The following PIR variants were observed in gnomAD, a reference collection of about 807,000 sequenced individuals.
PIR encodes the protein pirin.
PIR carries 22 observed loss-of-function variants against 24.2 expected under a neutral mutation model. The ratio of observed to expected loss-of-function variants is 0.91; its 90% CI spans 0.65 to 1.30. The LOEUF (loss-of-function observed/expected upper bound fraction) is 1.30. Ranked by LOEUF, PIR falls within the 50% of genes most tolerant of loss-of-function variation. The probability of loss-of-function intolerance (pLI) is 0.00; values close to 1 mark genes in which losing one functional copy is unlikely to be tolerated. For missense variants in PIR, 220 were observed against 220.3 expected (o/e 1.00, Z 0.01); for synonymous variants, 80 against 79.6 (o/e 1.00, Z -0.03).
chrX:15,475,700 T>C (rs1449366835), intron 3 of PIR, among the ~76,000 whole-genome samples: 1 of 112,336 alleles, frequency 8.9e-6, no homozygotes, highest in Non-Finnish European at 1.9e-5. Context: ...TCTTTGTTTC[T>C]GATAACTGAA....
chrX:15,462,469 A>AAAC (rs200478925), intron 3 of PIR, among the ~76,000 whole-genome samples: 3,521 of 112,110 alleles, frequency 0.031, 144 homozygotes, highest in African/African-American at 0.11. Flanking sequence ...GAAGAAAGAA[A>AAAC]AAAAAATGCC....
intron 5 of PIR, among the ~76,000 whole-genome samples, chrX:15,443,303 AT>A (rs199734124): frequency 0.031 from 3,485 of 111,440 alleles, 59 homozygotes; most frequent in Non-Finnish European, 0.049. Flanking sequence ...AGAAAAAAAA[AT>A]ATTCCTTTAA....
intron 8 of PIR, among the ~76,000 whole-genome samples, chrX:15,391,765 C>T (rs143243756): frequency 0.013 from 1,471 of 111,622 alleles, 14 homozygotes; most frequent in Non-Finnish European, 0.022. Context: ...TCCTCATCCT[C>T]CTGCATGCCA....
chrX:15,393,156 C>G (rs1209801444), intron 8 of PIR, among the ~76,000 whole-genome samples: 1 of 112,337 alleles, frequency 8.9e-6, no homozygotes, highest in African/African-American at 3.2e-5. Flanking sequence ...CATCTTTTGG[C>G]ACCATGTCTT....
At chrX:15,433,512 GA>G (rs1255725846) in intron 5 of PIR, among the ~76,000 whole-genome samples, 1 of 20,141 alleles carries the variant, frequency 5.0e-5, no homozygotes, top group African/African-American at 2.1e-4. Flanking sequence ...GGAGGAGGAG[GA>G]AAGAAAGAAA....
chrX:15,440,884 C>G (rs1214736932), intron 5 of PIR, among the ~76,000 whole-genome samples: 8 of 111,415 alleles, frequency 7.2e-5, no homozygotes, highest in Non-Finnish European at 1.5e-4. Context: ...TTTTGTTCTC[C>G]CAACTATGTT....
intron 5 of PIR, among the ~76,000 whole-genome samples, chrX:15,448,196 G>A (rs1038390717): frequency 9.8e-5 from 11 of 112,444 alleles, no homozygotes; most frequent in African/African-American, 1.6e-4. Flanking sequence ...AGCAGATCCT[G>A]ACCACTGTTT....
intron 2 of PIR, among the ~76,000 whole-genome samples, chrX:15,481,408 T>C (rs1327134813): frequency 8.9e-6 from 1 of 111,851 alleles, no homozygotes; most frequent in Admixed American, 9.5e-5. Flanking sequence ...ATTTTGAACA[T>C]TTGATTGGAA....
intron 6 of PIR, among the ~76,000 whole-genome samples, chrX:15,416,846 T>C (rs1488020377): frequency 8.9e-6 from 1 of 112,181 alleles, no homozygotes; most frequent in African/African-American, 3.2e-5. Context: ...AGGAACTGAA[T>C]GCTGCCAGCA....
chrX:15,413,101 G>A (rs7877651), intron 6 of PIR, among the ~76,000 whole-genome samples: 8,450 of 112,060 alleles, frequency 0.075, 772 homozygotes, highest in African/African-American at 0.25. Context: ...ACATATGTGT[G>A]TTATATGTTT....
chrX:15,398,128 A>AG (rs1443388696), intron 7 of PIR, among the ~76,000 whole-genome samples: 1 of 110,973 alleles, frequency 9.0e-6, no homozygotes, highest in Non-Finnish European at 1.9e-5. Context: ...GGATAGCATT[A>AG]GGAGATATAC....
intron 5 of PIR, among the ~76,000 whole-genome samples, chrX:15,442,498 A>C (rs1206020073): frequency 8.9e-6 from 1 of 111,817 alleles, no homozygotes; most frequent in Non-Finnish European, 1.9e-5. Context: ...AAAAGCTAGA[A>C]ATGATTAAGC....
rs1312640658 is a variant in PIR, at chrX:15,384,865, A to G, written c.*139T>C. The G allele has an allele frequency of 2.8e-6, 1 of 356,820 alleles. No homozygotes were observed. Among genetic ancestry groups the G allele is most frequent in the Non-Finnish European group, 4.9e-6 (1 of 203,170 alleles). 29.4% of individuals were successfully genotyped at this position (356,820 alleles called of 1,213,427 possible). A position where few individuals can be genotyped will look rare whatever the true frequency, so the allele number is the denominator to read the frequency against. On this transcript the variant is annotated 3_prime_UTR_variant, in exon 10 of 10. Transcript: ENST00000380420. ...GAAATATCCTACATTTATTGTTACA[A>G]AAACCATGTTATCACGTTAGTGTGG... is the stretch of plus-strand genomic sequence containing the variant.
intron 2 of PIR, among the ~76,000 whole-genome samples, chrX:15,490,037 C>T (rs906854247): frequency 2.7e-5 from 3 of 110,884 alleles, no homozygotes; most frequent in Non-Finnish European, 5.7e-5. Context: ...AATGTATACT[C>T]GAAATTGGCT....
chrX:15,460,744 C>A (rs1470223249), intron 3 of PIR, among the ~76,000 whole-genome samples: 1 of 111,653 alleles, frequency 9.0e-6, no homozygotes, highest in South Asian at 3.8e-4. Flanking sequence ...TAATGGATAC[C>A]TTAGCTTGAT....
chrX:15,456,665 T>C (rs778249101), intron 4 of PIR, among the ~76,000 whole-genome samples: 1 of 112,513 alleles, frequency 8.9e-6, no homozygotes, highest in African/African-American at 3.2e-5. Flanking sequence ...TTGTGAGCCA[T>C]CAGCAGCCAG....
intron 5 of PIR, among the ~76,000 whole-genome samples, chrX:15,454,751 T>C (rs1035741009): frequency 2.7e-5 from 3 of 111,822 alleles, no homozygotes; most frequent in Middle Eastern, 4.2e-3. Context: ...CTTGATGCAC[T>C]CAATGCCAGG....
At chrX:15,426,118 T>TA (rs1925310034) in intron 5 of PIR, 128 bp from the exon 6 acceptor site, 2 of 441,061 alleles carry the variant, frequency 4.5e-6, no homozygotes, top group Non-Finnish European at 7.9e-6. Flanking sequence ...AGGGAAGTGT[T>TA]AAAGCCGAGG....
chrX:15,390,060 C>T, intron 9 of PIR, 125 bp downstream of exon 9: 1 of 331,812 alleles, frequency 3.0e-6, no homozygotes, highest in Non-Finnish European at 5.4e-6. Context: ...AAACAATCCT[C>T]AGATTTATAG....
Sources: gnomAD v4.1 joint callset for allele counts (sites outside exome capture counted in the v4.1 genomes callset) on GRCh38, gnomAD v4.1.1 for gene constraint, MANE v1.5 for transcripts, NCBI Gene and HGNC (gene_info 2026-07-23, HGNC 2026-07-21) for gene names.